Variants in R3HCC1L observed in about 807,000 individuals in gnomAD.
The protein encoded by R3HCC1L is R3H domain and coiled-coil containing 1 like.
A neutral mutation model predicts 59.9 loss-of-function variants in R3HCC1L; 51 were observed. That is an observed-to-expected ratio of 0.85 (90% CI 0.68 to 1.07). The LOEUF is 1.07. Among genes scored for constraint, R3HCC1L ranks in the 50% least tolerant of loss-of-function variants. The pLI is 0.00. For synonymous variants in R3HCC1L, 322 were observed against 315.2 expected, an observed-to-expected ratio of 1.02 and a Z score of -0.23; for missense variants, 965 against 933.0, an observed-to-expected ratio of 1.03 and a Z score of -0.45.
chr10:98,176,390 A>G, intron 4 of R3HCC1L, among the ~76,000 whole-genome samples: 1 of 152,226 alleles, frequency 6.6e-6, no homozygotes, highest in East Asian at 1.9e-4. Flanking sequence ...CTCATTTATG[A>G]TCTTTCTTTC....
chr10:98,232,610 T>C (rs976556899), intron 6 of R3HCC1L, among the ~76,000 whole-genome samples: 10 of 152,220 alleles, frequency 6.6e-5, no homozygotes, highest in African/African-American at 2.2e-4. Context: ...AGAAGAATTA[T>C]ACTTTAATGT....
At chr10:98,200,235 A>G (rs528553999) in intron 4 of R3HCC1L, among the ~76,000 whole-genome samples, 49 of 143,900 alleles carry the variant, frequency 3.4e-4, no homozygotes, top group African/African-American at 1.1e-3. Flanking sequence ...ACTGAGTTGC[A>G]TTGTATTTAC....
In R3HCC1L at chr10:98,208,820, C is replaced by G. The variant is rs1415602913; in HGVS notation, c.706C>G (p.Pro236Ala). Reference sequence around the variant, plus strand: ...CATGAAACCTGAGAATATGATTGTACCAATAAAACTAAGCTCTGATTCTGA... The same window carrying G: ...CATGAAACCTGAGAATATGATTGTAGCAATAAAACTAAGCTCTGATTCTGA... ...SVMKPENMIV[P>A]IKLSSDSEIV... is the part of the protein sequence containing the mutation. Residue 236 changes from proline (P) to alanine (A), a missense_variant, in exon 5 of 10, where the codon CCA becomes GCA. Pro to Ala is a conservative substitution (Grantham distance 27). Transcript: ENST00000298999. 6.2e-7 allele frequency: 1 copy of G among 1,613,838 alleles called. No homozygotes were observed. The highest frequency in any genetic ancestry group is 1.3e-5 in the African/African-American group (1 of 74,878).
chr10:98,159,469 A>G (rs988628217), intron 2 of R3HCC1L, among the ~76,000 whole-genome samples: 1 of 152,184 alleles, frequency 6.6e-6, no homozygotes, highest in African/African-American at 2.4e-5. Context: ...AAATACGTAG[A>G]TACTTGGTAA....
intron 4 of R3HCC1L, chr10:98,186,564 G>T (rs532886934): frequency 1.1e-6 from 1 of 938,332 alleles, no homozygotes. Context: ...GTCACCTAAG[G>T]TAGTGACCAT....
At chr10:98,226,943 G>A (rs1288996935) in intron 5 of R3HCC1L, among the ~76,000 whole-genome samples, 1 of 152,232 alleles carries the variant, frequency 6.6e-6, no homozygotes, top group Non-Finnish European at 1.5e-5. Flanking sequence ...AAGATAAGCA[G>A]TTTCCCTTGT....
rs1349127991 is a variant in R3HCC1L at position 98,234,438 on chromosome 10, T to G, written c.1962-8T>G. ...TTTAGGAAATAAAATTGTTTTTTTG[T>G]GTTGCAGAAAGAAAGGATTTGATAT... On this transcript the variant is annotated splice_polypyrimidine_tract_variant and splice_region_variant and intron_variant, in intron 6 of 9. Transcript: ENST00000298999. 7 of 1,611,088 alleles carry G rather than the reference T, an allele frequency of 4.3e-6. No individual in the cohort carries two copies.
intron 5 of R3HCC1L, among the ~76,000 whole-genome samples, chr10:98,226,005 C>A (rs575858362): frequency 2.6e-5 from 4 of 152,234 alleles, no homozygotes; most frequent in East Asian, 1.9e-4. Context: ...TGCCTCCATG[C>A]CCGGCTAATG....
chr10:98,190,571 T>C (rs1170214701), intron 4 of R3HCC1L, among the ~76,000 whole-genome samples: 1 of 152,222 alleles, frequency 6.6e-6, no homozygotes, highest in African/African-American at 2.4e-5. Context: ...GTAAGAATTT[T>C]AAAAGCCTTA....
chr10:98,228,499 G>C (rs955544869), intron 5 of R3HCC1L, among the ~76,000 whole-genome samples: 7 of 152,142 alleles, frequency 4.6e-5, no homozygotes, highest in Non-Finnish European at 7.4e-5. Flanking sequence ...TGTCAGATGA[G>C]TAGATTGCAA....
chr10:98,148,642 A>G (rs944672247), intron 1 of R3HCC1L, among the ~76,000 whole-genome samples: 6 of 152,174 alleles, frequency 3.9e-5, no homozygotes, highest in African/African-American at 9.7e-5. Flanking sequence ...AAAAGTGATC[A>G]TAGGGTTTTT....
intron 4 of R3HCC1L, among the ~76,000 whole-genome samples, chr10:98,165,572 G>A (rs559631868): frequency 5.6e-4 from 86 of 152,326 alleles, no homozygotes; most frequent in African/African-American, 2.0e-3. Flanking sequence ...TTTATAGCAA[G>A]CATTGTCAGA....
intron 5 of R3HCC1L, among the ~76,000 whole-genome samples, chr10:98,225,192 C>G (rs1388839891): frequency 6.6e-6 from 1 of 152,128 alleles, no homozygotes; most frequent in African/African-American, 2.4e-5. Context: ...CAGTTCAGGC[C>G]TACTGCCAAA....
At chr10:98,200,926 T>C (rs1001108993) in intron 4 of R3HCC1L, among the ~76,000 whole-genome samples, 1 of 152,170 alleles carries the variant, frequency 6.6e-6, no homozygotes, top group Non-Finnish European at 1.5e-5. Context: ...CAGCCTTATT[T>C]TATAAATCTT....
chr10:98,160,299 G>T (rs1847280699), intron 2 of R3HCC1L, among the ~76,000 whole-genome samples: 1 of 152,196 alleles, frequency 6.6e-6, no homozygotes, highest in Admixed American at 6.5e-5. Flanking sequence ...CTAGCCACAT[G>T]AATAGAGATG....
chr10:98,167,402 TA>T (rs1848060460), intron 4 of R3HCC1L, among the ~76,000 whole-genome samples: 1 of 152,342 alleles, frequency 6.6e-6, no homozygotes, highest in African/African-American at 2.4e-5. Context: ...CCTGCTGGTA[TA>T]GCTCCAAGGA....
At chr10:98,169,840 A>C (rs1355309664) in intron 4 of R3HCC1L, among the ~76,000 whole-genome samples, 1 of 152,032 alleles carries the variant, frequency 6.6e-6, no homozygotes, top group Admixed American at 6.5e-5. Context: ...TGTAAAACTA[A>C]CAGCTCGAAG....
intron 1 of R3HCC1L, among the ~76,000 whole-genome samples, chr10:98,150,982 A>T (rs537387700): frequency 1.3e-5 from 2 of 152,000 alleles, no homozygotes; most frequent in East Asian, 3.9e-4. Flanking sequence ...GTCGGGGGGA[A>T]ATTTTCTGCA....
chr10:98,212,426 G>A (rs1454698418), intron 5 of R3HCC1L, among the ~76,000 whole-genome samples: 1 of 152,144 alleles, frequency 6.6e-6, no homozygotes, highest in African/African-American at 2.4e-5. Flanking sequence ...AGCAAGGTGT[G>A]ACAGCCATTG....
Sources: allele counts gnomAD v4.1 joint callset (sites outside exome capture counted in the v4.1 genomes callset), GRCh38; gene constraint gnomAD v4.1.1; transcripts MANE v1.5; gene names NCBI Gene and HGNC (gene_info 2026-07-23, HGNC 2026-07-21).